PIK3CA: variants seen among roughly 807,000 people sequenced by gnomAD.
PIK3CA encodes the protein phosphatidylinositol 4,5-bisphosphate 3-kinase catalytic subunit alpha isoform.
In PIK3CA, 27 loss-of-function variants were observed where a neutral mutation model predicts 138.2. The ratio of observed to expected loss-of-function variants is 0.20; its 90% confidence interval spans 0.14 to 0.27. PIK3CA has a LOEUF of 0.27. PIK3CA is among the 10% of genes least tolerant of loss of function. The probability of loss-of-function intolerance (pLI) is 1.00; values close to 1 mark genes in which losing one functional copy is unlikely to be tolerated. For missense variants in PIK3CA, 544 were observed against 1,277.4 expected (o/e 0.43, Z 8.75); for synonymous variants, 358 against 413.2 (o/e 0.87, Z 1.62).
intron 17 of PIK3CA, among the ~76,000 whole-genome samples, chr3:179,228,672 A>T (rs965037183): frequency 3.3e-5 from 5 of 152,110 alleles, no homozygotes; most frequent in Non-Finnish European, 5.9e-5. Context: ...AAATTTTTTT[A>T]AATGTGAAAG....
rs192251087 is a variant in PIK3CA, at chr3:179,237,582, T to G, written c.*3218T>G. 1 of 207,780 alleles carries G rather than the reference T, an allele frequency of 4.8e-6. No individual in the cohort carries two copies. Among genetic ancestry groups the G allele is most frequent in the African/African-American group, 2.3e-5 (1 of 44,106 alleles). 12.9% of individuals were successfully genotyped at this position (207,780 alleles called of 1,614,324 possible). A position where few individuals can be genotyped will look rare whatever the true frequency, so the allele number is the denominator to read the frequency against. Reference sequence around the variant, plus strand: ...CTCTTGGATTTTATTTTAAATGGATTGGTGACTTTCACATAGGTAAAACAC... The same window carrying G: ...CTCTTGGATTTTATTTTAAATGGATGGGTGACTTTCACATAGGTAAAACAC... On this transcript the variant is annotated 3_prime_UTR_variant, in exon 21 of 21. Coordinates refer to ENST00000263967, the MANE Select transcript of PIK3CA (RefSeq NM_006218.4).
intron 1 of PIK3CA, among the ~76,000 whole-genome samples, chr3:179,156,337 A>G (rs1016353211): frequency 2.0e-5 from 3 of 152,198 alleles, no homozygotes; most frequent in Admixed American, 2.0e-4. Flanking sequence ...CATTGAGAGT[A>G]GGTCATCTAC....
chr3:179,189,601 T>C (rs138394802), intron 1 of PIK3CA, among the ~76,000 whole-genome samples: 157 of 152,212 alleles, frequency 1.0e-3, no homozygotes, highest in African/African-American at 3.7e-3. Flanking sequence ...AAAAAAAATG[T>C]GTTAGCACAG....
In PIK3CA at chr3:179,226,055, A is replaced by AGGCAACCTGTAT. The variant is rs1560147786; in HGVS notation, c.2495+17_2495+28dup. On this transcript the variant is annotated intron_variant, in intron 17 of 20. Transcript: ENST00000263967. Reference sequence around the variant, plus strand: ...CTTGATCTTCGGTAGGTAACCAGTAAGGCAACCTGTATGTTGAAAGTTATC... The same window carrying AGGCAACCTGTAT: ...CTTGATCTTCGGTAGGTAACCAGTAAGGCAACCTGTATGGCAACCTGTATGTTGAAAGTTATC... The AGGCAACCTGTAT allele has an allele frequency of 7.1e-7, 1 of 1,414,968 alleles. No individual in the cohort carries two copies. The highest frequency in any genetic ancestry group is 1.0e-6 in the Non-Finnish European group (1 of 1,000,226). 87.7% of individuals were successfully genotyped at this position (1,414,968 alleles called of 1,614,324 possible).
intron 6 of PIK3CA, among the ~76,000 whole-genome samples, chr3:179,209,013 T>C (rs1193919352): frequency 2.0e-5 from 3 of 147,722 alleles, no homozygotes; most frequent in Non-Finnish European, 3.0e-5. Flanking sequence ...TATATATTTA[T>C]ATTATGTATA....
chr3:179,174,511 T>TC (rs1183793328), intron 1 of PIK3CA, among the ~76,000 whole-genome samples: 4 of 151,654 alleles, frequency 2.6e-5, no homozygotes, highest in Non-Finnish European at 5.9e-5. Context: ...GTATCTCACT[T>TC]CCCCCCCATT....
rs569691090 is a variant in PIK3CA at position 179,207,840 on chromosome 3, C to T, written c.1146-1755C>T. The stretch of plus-strand genomic sequence containing the variant: ...CAGCCTAATTTTTTTTAAATCATTG[C>T]GGACTTAAGTCCCATAATATTTTTC... On this transcript the variant is annotated intron_variant, in intron 6 of 20. Coordinates refer to ENST00000263967, the MANE Select transcript of PIK3CA (RefSeq NM_006218.4). Among the ~76,000 whole-genome samples the T allele has an allele frequency of 5.3e-5, 8 of 152,020 alleles. No individual in the cohort carries two copies. In the East Asian group the frequency reaches 1.5e-3, roughly 29 times the overall value.
At chr3:179,172,135 G>GA (rs1324051239) in intron 1 of PIK3CA, among the ~76,000 whole-genome samples, 6 of 151,000 alleles carry the variant, frequency 4.0e-5, no homozygotes, top group Non-Finnish European at 7.4e-5. Context: ...AGATATATTT[G>GA]AAAAAAAAGT....
chr3:179,178,261 CAAAAA>C (rs60887179), intron 1 of PIK3CA, among the ~76,000 whole-genome samples: 6 of 79,880 alleles, frequency 7.5e-5, no homozygotes, highest in Admixed American at 2.6e-4. Flanking sequence ...CTCTAAAGAT[CAAAAA>C]AAAAAAAAAA....
At chr3:179,204,418 G>A (rs369949302) in intron 5 of PIK3CA, 85 bp from the exon 6 acceptor site, 16 of 606,552 alleles carry the variant, frequency 2.6e-5, no homozygotes, top group South Asian at 1.2e-4. Flanking sequence ...CAAAAATTCC[G>A]TGGTTTTATA....
chr3:179,205,723 T>C (rs1576935919), intron 6 of PIK3CA, among the ~76,000 whole-genome samples: 1 of 152,346 alleles, frequency 6.6e-6, no homozygotes, highest in East Asian at 1.9e-4. Context: ...TGCATTTCTT[T>C]GCTTCTCTCT....
At chr3:179,172,128 T>C (rs988127238) in intron 1 of PIK3CA, among the ~76,000 whole-genome samples, 1 of 152,018 alleles carries the variant, frequency 6.6e-6, no homozygotes, top group Non-Finnish European at 1.5e-5. Context: ...ACTAATAAGA[T>C]ATATTTGAAA....
At chr3:179,188,775 A>T (rs1724054083) in intron 1 of PIK3CA, among the ~76,000 whole-genome samples, 1 of 152,242 alleles carries the variant, frequency 6.6e-6, no homozygotes, top group Non-Finnish European at 1.5e-5. Context: ...ATTATGAAAT[A>T]TATATCGTTT....
chr3:179,230,612 A>G lies in PIK3CA; in HGVS notation c.2936+236A>G, dbSNP rs933789749. Among the ~76,000 whole-genome samples the G allele has an allele frequency of 2.0e-5, 3 of 152,048 alleles. No homozygotes were observed. Among genetic ancestry groups the G allele is most frequent in the Admixed American group, 2.0e-4 (3 of 15,242 alleles). ...CTACAAAAAAATTTAAAAAGTAGCC[A>G]GGCGTGGTGGCATGCACTGTAGTCC... On this transcript the variant is annotated intron_variant, in intron 20 of 20. Coordinates refer to ENST00000263967, the MANE Select transcript of PIK3CA (RefSeq NM_006218.4). The surrounding 1 kb of genome is among the most constrained non-coding windows in gnomAD (Gnocchi z 5.4).
chr3:179,173,311 C>A (rs1383809089), intron 1 of PIK3CA, among the ~76,000 whole-genome samples: 1 of 149,946 alleles, frequency 6.7e-6, no homozygotes, highest in Non-Finnish European at 1.5e-5. Flanking sequence ...GTAATCCCAG[C>A]ACTTTGGGAG....
intron 1 of PIK3CA, among the ~76,000 whole-genome samples, chr3:179,190,226 T>G (rs1724092798): frequency 6.6e-6 from 1 of 152,114 alleles, no homozygotes; most frequent in Non-Finnish European, 1.5e-5. Context: ...TAGAGTAATT[T>G]CAACAATTTA....
intron 17 of PIK3CA, among the ~76,000 whole-genome samples, chr3:179,227,582 A>G (rs1725112641): frequency 6.6e-6 from 1 of 152,110 alleles, no homozygotes; most frequent in Non-Finnish European, 1.5e-5. Flanking sequence ...TTAGTGACTC[A>G]TCATTAGTTT....
intron 15 of PIK3CA, among the ~76,000 whole-genome samples, 156 bp from the exon 16 acceptor site, chr3:179,224,542 ACT>A (rs752821526): frequency 9.2e-5 from 14 of 152,156 alleles, no homozygotes; most frequent in Non-Finnish European, 1.9e-4. Flanking sequence ...TTTTTTTTAT[ACT>A]CTTTAGGAAT....
chr3:179,168,452 CT>C (rs1270371561), intron 1 of PIK3CA, among the ~76,000 whole-genome samples: 5 of 152,006 alleles, frequency 3.3e-5, no homozygotes, highest in Admixed American at 6.6e-5. Context: ...CTTTTATTGT[CT>C]AGTATAGTTC....
Sources: allele counts gnomAD v4.1 joint callset (sites outside exome capture counted in the v4.1 genomes callset), GRCh38; gene constraint gnomAD v4.1.1; non-coding constraint Gnocchi (gnomAD v3.1); transcripts MANE v1.5; gene names NCBI Gene and HGNC (gene_info 2026-07-23, HGNC 2026-07-21).